Variants in TRIO observed in about 807,000 individuals in gnomAD.
The protein encoded by TRIO is trio Rho guanine nucleotide exchange factor.
In TRIO, 58 loss-of-function variants were observed where a neutral mutation model predicts 351.9. The observed-to-expected ratio is 0.16, with a 90% CI of 0.13 to 0.21. The LOEUF (loss-of-function observed/expected upper bound fraction) is 0.21. Among genes scored for constraint, TRIO ranks in the 10% least tolerant of loss-of-function variants. The pLI is 1.00. For synonymous variants in TRIO, 1,758 were observed against 1,595.7 expected (o/e 1.10, Z -2.42); for missense variants, 3,201 against 4,027.8 (o/e 0.79, Z 5.56).
intron 18 of TRIO, 129 bp downstream of exon 18, chr5:14,369,652 A>C: frequency 8.4e-7 from 1 of 1,194,208 alleles, no homozygotes; most frequent in Non-Finnish European, 1.1e-6. Context: ...GTAACGGGGC[A>C]GTGTCGCATC....
At chr5:14,357,389 G>A (rs369025086) in intron 11 of TRIO, among the ~76,000 whole-genome samples, 28 of 152,310 alleles carry the variant, frequency 1.8e-4, no homozygotes, top group African/African-American at 6.3e-4. Context: ...TTTCAGTTCC[G>A]TGAATAGTAC....
intron 33 of TRIO, among the ~76,000 whole-genome samples, chr5:14,415,358 A>T (rs1289221614): frequency 6.6e-6 from 1 of 151,810 alleles, no homozygotes; most frequent in Admixed American, 6.6e-5. Context: ...TTGCCCCAGA[A>T]CTCATCGCAG....
chr5:14,295,749 A>G (rs540199411), intron 6 of TRIO, among the ~76,000 whole-genome samples: 20 of 152,344 alleles, frequency 1.3e-4, no homozygotes, highest in African/African-American at 4.6e-4. Context: ...ACCAGATGCC[A>G]GTTAGAGCGT....
chr5:14,190,825 A>G (rs26131), intron 1 of TRIO, among the ~76,000 whole-genome samples: 21,137 of 152,170 alleles, frequency 0.14, 2,213 homozygotes, highest in African/African-American at 0.29. Context: ...GTATCTCAGG[A>G]CAAATATACA....
intron 1 of TRIO, among the ~76,000 whole-genome samples, chr5:14,186,833 C>T (rs371381573): frequency 3.9e-5 from 6 of 152,146 alleles, no homozygotes; most frequent in African/African-American, 1.4e-4. Flanking sequence ...CTGTCTCGGC[C>T]TCCCAAAATG....
At chr5:14,442,712 A>G (rs1479058524) in intron 34 of TRIO, among the ~76,000 whole-genome samples, 1 of 152,218 alleles carries the variant, frequency 6.6e-6, no homozygotes, top group African/African-American at 2.4e-5. Context: ...GAATTCCTGC[A>G]CTGGGTGGGT....
At chr5:14,184,856 C>G (rs1455290751) in intron 1 of TRIO, among the ~76,000 whole-genome samples, 1 of 152,142 alleles carries the variant, frequency 6.6e-6, no homozygotes, top group Non-Finnish European at 1.5e-5. Context: ...GGCGTCTGTA[C>G]TCTAATCTAA....
At chr5:14,437,697 C>T (rs773960980) in intron 34 of TRIO, among the ~76,000 whole-genome samples, 3 of 147,888 alleles carry the variant, frequency 2.0e-5, no homozygotes, top group East Asian at 1.9e-4. Flanking sequence ...CCCCCCCCGC[C>T]CCAAGGACCT....
chr5:14,496,761 A>G, intron 49 of TRIO, 118 bp from the exon 50 acceptor site: 2 of 1,355,104 alleles, frequency 1.5e-6, no homozygotes, highest in African/African-American at 1.5e-5. Flanking sequence ...TTCGTAGAGG[A>G]TTTCCCATCC....
chr5:14,427,642 C>T (rs1012995889), intron 34 of TRIO, among the ~76,000 whole-genome samples: 1 of 152,200 alleles, frequency 6.6e-6, no homozygotes, highest in Non-Finnish European at 1.5e-5. Flanking sequence ...CCTCTACCCA[C>T]AGGGCCGCGG....
At chr5:14,438,343 TCA>T (rs1461926601) in intron 34 of TRIO, among the ~76,000 whole-genome samples, 1 of 152,250 alleles carries the variant, frequency 6.6e-6, no homozygotes, top group Non-Finnish European at 1.5e-5. Context: ...GCTAATGTTC[TCA>T]CACGGCAGAT....
In TRIO at chr5:14,479,307, A is replaced by T. The variant is rs138476223; in HGVS notation, c.6200A>T (p.Lys2067Met). ...MYIAYCQNKP[K>M]SEHIVSEYID... ...ATAGCTTATTGTCAAAATAAACCAA[A>T]GTCTGAGCACATTGTCTCAGAATAC... Residue 2067 changes from lysine (K) to methionine (M), a missense_variant, in exon 42 of 57, where the codon AAG (lysine) becomes ATG (methionine). By Grantham distance (95) the Lys-to-Met change is moderately conservative. This residue lies in a region of TRIO where 307 missense variants were observed against 396.5 expected (regional missense o/e 0.77). Transcript: ENST00000344204. The T allele has an allele frequency of 2.7e-4, 428 of 1,613,864 alleles. No homozygotes were observed. Among genetic ancestry groups the T allele is most frequent in the Non-Finnish European group, 3.0e-4 (353 of 1,179,978 alleles).
intron 1 of TRIO, among the ~76,000 whole-genome samples, chr5:14,193,772 T>G (rs1411485962): frequency 1.3e-5 from 2 of 152,180 alleles, no homozygotes; most frequent in Non-Finnish European, 2.9e-5. Flanking sequence ...TGTGACTAAT[T>G]TACGCGAAAC....
chr5:14,181,768 A>G (rs544117351), intron 1 of TRIO, among the ~76,000 whole-genome samples: 76 of 152,282 alleles, frequency 5.0e-4, no homozygotes, highest in African/African-American at 1.7e-3. Flanking sequence ...AGAGTCTTGA[A>G]TGGATGGCAG....
intron 16 of TRIO, among the ~76,000 whole-genome samples, chr5:14,367,323 C>T (rs530963719): frequency 2.0e-5 from 3 of 152,308 alleles, no homozygotes; most frequent in East Asian, 1.9e-4. Context: ...GAGGAGCCCA[C>T]GTTGCAGTCT....
At chr5:14,194,984 ACTT>A (rs1790688131) in intron 1 of TRIO, among the ~76,000 whole-genome samples, 3 of 151,890 alleles carry the variant, frequency 2.0e-5, no homozygotes, top group African/African-American at 4.8e-5. Flanking sequence ...CAGACATAAT[ACTT>A]CTTTTACCTT....
At position 14,509,297 on chromosome 5, in the gene TRIO, C is replaced by T. The variant is rs1455172176; in HGVS notation, c.*875C>T. On this transcript the variant is annotated 3_prime_UTR_variant, in exon 57 of 57. Coordinates refer to ENST00000344204, the MANE Select transcript of TRIO (RefSeq NM_007118.4). Reference sequence around the variant, plus strand: ...AATGTTGTGGCTTTAACATTTTATGCAACTATTTATGAAGACCTCTGTTGT... The same window carrying T: ...AATGTTGTGGCTTTAACATTTTATGTAACTATTTATGAAGACCTCTGTTGT... The T allele has an allele frequency of 5.2e-6, 2 of 382,638 alleles. No homozygotes were observed. Among genetic ancestry groups the T allele is most frequent in the African/African-American group, 4.4e-5 (2 of 45,868 alleles). The allele number at this position is 382,638 out of a possible 1,614,324, so 23.7% of individuals were successfully genotyped here.
chr5:14,470,449 G>A (rs773315399), intron 37 of TRIO, among the ~76,000 whole-genome samples: 2 of 152,202 alleles, frequency 1.3e-5, no homozygotes, highest in Non-Finnish European at 2.9e-5. Flanking sequence ...CTTTGGGAAT[G>A]TTAAAAGAAC....
chr5:14,457,785 G>A lies in TRIO; in HGVS notation c.5204-3234G>A, dbSNP rs577862627. Among the ~76,000 whole-genome samples, 233 of 152,194 alleles carry A rather than the reference G, an allele frequency of 1.5e-3. 1 individual carries two copies. The highest frequency in any genetic ancestry group is 5.1e-3 in the African/African-American group (212 of 41,534). On this transcript the variant is annotated intron_variant, in intron 34 of 56. Transcript: ENST00000344204. ...CTGCCTGCCCTGCATGCCCTTTTCC[G>A]AGAGCACGCCTGCTTCTCTGTAGCC...
Sources: gnomAD v4.1 joint callset for allele counts (sites outside exome capture counted in the v4.1 genomes callset) on GRCh38, gnomAD v4.1.1 for gene constraint, gnomAD v4.1.1 regional missense constraint, MANE v1.5 for transcripts, NCBI Gene and HGNC (gene_info 2026-07-23, HGNC 2026-07-21) for gene names.